BRAP: variants seen among roughly 807,000 people sequenced by gnomAD.
The protein encoded by BRAP is BRCA1 associated protein, also known as BRCA1-associated protein.
A neutral mutation model predicts 73.4 loss-of-function variants in BRAP; 42 were observed. The ratio of observed to expected loss-of-function variants is 0.57; its 90% CI spans 0.45 to 0.74. The LOEUF is 0.74. Among genes scored for constraint, BRAP ranks in the 30% least tolerant of loss-of-function variants. The pLI is 0.00. For synonymous variants in BRAP, 255 were observed against 267.4 expected (o/e 0.95, Z 0.45); for missense variants, 593 against 751.4 (o/e 0.79, Z 2.46).
intron 3 of BRAP, among the ~76,000 whole-genome samples, chr12:111,679,785 G>A (rs1887527982): frequency 1.3e-5 from 2 of 149,056 alleles, no homozygotes; most frequent in Non-Finnish European, 3.0e-5. Context: ...GCTGAGGCAG[G>A]AGAATGGTGT....
intron 5 of BRAP, among the ~76,000 whole-genome samples, chr12:111,667,300 C>G (rs1886981801): frequency 6.6e-6 from 1 of 152,156 alleles, no homozygotes; most frequent in Non-Finnish European, 1.5e-5. Context: ...ATAAAACAGT[C>G]TGAAGCTGCC....
At chr12:111,658,900 C>T in intron 8 of BRAP, 55 bp from the exon 9 acceptor site, 1 of 1,409,616 alleles carries the variant, frequency 7.1e-7, no homozygotes, top group Non-Finnish European at 9.8e-7. Flanking sequence ...GGTCTCTGTA[C>T]ACTTTTAACT....
chr12:111,679,459 T>C (rs1350543290), intron 3 of BRAP, 119 bp from the exon 4 acceptor site: 2 of 679,036 alleles, frequency 2.9e-6, no homozygotes, highest in Admixed American at 3.8e-5. Flanking sequence ...ATTTCATTAA[T>C]GAACTGTTCT....
intron 10 of BRAP, among the ~76,000 whole-genome samples, chr12:111,654,667 C>A: frequency 6.6e-6 from 1 of 152,170 alleles, no homozygotes; most frequent in African/African-American, 2.4e-5. Context: ...TGCCCACTTA[C>A]GGCATATCCA....
intron 4 of BRAP, 121 bp from the exon 5 acceptor site, chr12:111,672,895 G>A (rs1188128284): frequency 1.4e-6 from 1 of 737,160 alleles, no homozygotes; most frequent in East Asian, 2.7e-5. Flanking sequence ...ACTTAGGAGA[G>A]AGAGCAACCA....
Position 111,663,172 on chromosome 12 carries a change from G to A in BRAP, c.896+2467C>T, listed in dbSNP as rs769904700. Among the ~76,000 whole-genome samples the A allele has an allele frequency of 5.3e-5, 8 of 151,864 alleles. No individual in the cohort carries two copies. The South Asian group carries it at 8.3e-4, about 16-fold the overall frequency. On this transcript the variant is annotated intron_variant, in intron 6 of 11. Transcript: ENST00000419234. ...ACTAAAAAATAATCAACAGTTTATC[G>A]GCCAGGCACAGTGGCTGACGCCCAT...
intron 3 of BRAP, among the ~76,000 whole-genome samples, chr12:111,680,615 C>T (rs1479805824): frequency 6.6e-6 from 1 of 151,836 alleles, no homozygotes; most frequent in Non-Finnish European, 1.5e-5. Flanking sequence ...ATTGCTTGAA[C>T]CCGGGAGGGG....
intron 1 of BRAP, among the ~76,000 whole-genome samples, chr12:111,685,052 T>C (rs1887757352): frequency 6.6e-6 from 1 of 152,228 alleles, no homozygotes; most frequent in South Asian, 2.1e-4. Flanking sequence ...AGGAGCTTCC[T>C]CACTTGTGTT....
At chr12:111,666,601 A>C (rs940033473) in intron 5 of BRAP, among the ~76,000 whole-genome samples, 6 of 152,174 alleles carry the variant, frequency 3.9e-5, no homozygotes, top group African/African-American at 1.4e-4. Context: ...GAGAGACAAA[A>C]ATCAAATTAA....
At chr12:111,669,864 C>A in intron 5 of BRAP, 2 of 638,018 alleles carry the variant, frequency 3.1e-6, no homozygotes, top group South Asian at 3.9e-5. Context: ...TTGTCTTGGT[C>A]ATTGACATTT....
chr12:111,651,554 A>G (rs944293018), intron 10 of BRAP, among the ~76,000 whole-genome samples: 17 of 151,930 alleles, frequency 1.1e-4, no homozygotes, highest in African/African-American at 4.1e-4. Flanking sequence ...ATACAATACA[A>G]TACAATAAAA....
rs1886924724 is a variant in BRAP at position 111,665,983 on chromosome 12, C to T, written c.748-196G>A. ...TCAGGCTCCCCAGTAGCTGGGACTA[C>T]AGGCATGAGCCACTGTGCCAGGCCT... On this transcript the variant is annotated intron_variant, in intron 5 of 11. Transcript: ENST00000419234. The surrounding 1 kb of genome is among the most constrained non-coding windows in gnomAD (Gnocchi z 4.3). 6.6e-6 allele frequency among the ~76,000 whole-genome samples: 1 copy of T among 152,250 alleles called. No homozygotes were observed. The highest frequency in any genetic ancestry group is 1.5e-5 in the Non-Finnish European group (1 of 68,048).
chr12:111,658,773 G>C lies in BRAP; in HGVS notation c.1184C>G (p.Thr395Ser). ...GGCATCTATTTTCTCTTCCTGGCAA[G>C]TATCCCCCTCACATTCATACTGTAC... ...KIVQYECEGD[T>S]CQEEKIDALQ... The change falls in exon 9 of 12, where the codon ACT becomes AGT. Residue 395 changes from threonine (T) to serine (S), a missense_variant. By Grantham distance (58) the Thr-to-Ser change is moderately conservative (BLOSUM62 1). This residue lies in a region of BRAP where 143 missense variants were observed against 190.4 expected (regional missense o/e 0.75). Transcript: ENST00000419234. 1 of 1,611,848 alleles carries C rather than the reference G, an allele frequency of 6.2e-7. No individual in the cohort carries two copies.
At chr12:111,684,066 A>G (rs618210) in intron 1 of BRAP, among the ~76,000 whole-genome samples, 1 of 152,198 alleles carries the variant, frequency 6.6e-6, no homozygotes, top group Non-Finnish European at 1.5e-5. Context: ...CAAGCCATGA[A>G]CATCTGTGAT....
chr12:111,681,283 T>C (rs1040204413), intron 3 of BRAP, among the ~76,000 whole-genome samples: 16 of 151,458 alleles, frequency 1.1e-4, no homozygotes, highest in African/African-American at 3.9e-4. Context: ...GGAAGGAGAA[T>C]CACTTGAACT....
chr12:111,658,637 A>T (rs536115170), intron 9 of BRAP, 99 bp downstream of exon 9: 22 of 721,516 alleles, frequency 3.0e-5, no homozygotes, highest in East Asian at 7.4e-5. Flanking sequence ...ACCAAACTTT[A>T]AAAAAAAAAT....
chr12:111,685,719 C>A lies in BRAP; in HGVS notation c.74G>T (p.Ser25Ile). ...GAGGCCGCGGGACTCACCCGCGGCGCTGAAGCCGAAGCCGGCGGGGACAGG... is the reference window on the plus strand; with the variant it reads ...GAGGCCGCGGGACTCACCCGCGGCGATGAAGCCGAAGCCGGCGGGGACAGG... ...HSPVPAGFGF[S>I]AAAGEMSDEE... is the part of the protein sequence containing the mutation. Residue 25 changes from serine (S) to isoleucine (I), a missense_variant, in exon 1 of 12, where the codon AGC becomes ATC. Coordinates refer to ENST00000419234, the MANE Select transcript of BRAP (RefSeq NM_006768.5). The A allele has an allele frequency of 6.2e-7, 1 of 1,605,946 alleles. No homozygotes were observed. The highest frequency in any genetic ancestry group is 8.5e-7 in the Non-Finnish European group (1 of 1,177,602).
At chr12:111,670,280 T>C in intron 5 of BRAP, 1 of 583,232 alleles carries the variant, frequency 1.7e-6, no homozygotes. Flanking sequence ...AGAAACAGTT[T>C]TAGTTTTCAC....
intron 11 of BRAP, among the ~76,000 whole-genome samples, chr12:111,647,999 G>A (rs1886172376): frequency 6.6e-6 from 1 of 152,048 alleles, no homozygotes; most frequent in South Asian, 2.1e-4. Context: ...GCCTAGGGAG[G>A]TGGAAGATGT....
Sources: gnomAD v4.1 joint callset for allele counts (sites outside exome capture counted in the v4.1 genomes callset) on GRCh38, gnomAD v4.1.1 for gene constraint, gnomAD v4.1.1 regional missense constraint, Gnocchi (gnomAD v3.1) non-coding constraint, MANE v1.5 for transcripts, NCBI Gene and HGNC (gene_info 2026-07-23, HGNC 2026-07-21) for gene names.